Variants in RAVER1 observed in about 807,000 individuals in gnomAD.
RAVER1 encodes ribonucleoprotein, PTB binding 1, also known as ribonucleoprotein PTB-binding 1.
RAVER1 carries 36 observed loss-of-function variants against 68.4 expected under a neutral mutation model. The ratio of observed to expected loss-of-function variants is 0.53; its 90% CI spans 0.40 to 0.70. The LOEUF is 0.70. Among genes scored for constraint, RAVER1 ranks in the 30% least tolerant of loss-of-function variants. The pLI, the probability that RAVER1 is intolerant of heterozygous loss-of-function variation, is 0.00. For missense variants in RAVER1, 933 were observed against 1,019.8 expected (o/e 0.91, Z 1.16); for synonymous variants, 469 against 472.7 (o/e 0.99, Z 0.10).
At position 10,321,726 on chromosome 19, in the gene RAVER1, G is replaced by A. The variant is rs557301118; in HGVS notation, c.1174-108C>T. 1.2e-3 allele frequency: 999 copies of A among 827,696 alleles called. 2 individuals are homozygous for A. Among genetic ancestry groups the A allele is most frequent in the Non-Finnish European group, 1.6e-3 (916 of 590,272 alleles). The allele number at this position is 827,696 out of a possible 1,614,324, so 51.3% of individuals were successfully genotyped here. A position where few individuals can be genotyped will look rare whatever the true frequency, so the allele number is the denominator to read the frequency against. On this transcript the variant is annotated intron_variant, in intron 6 of 12. Coordinates refer to ENST00000617231, the MANE Select transcript of RAVER1 (RefSeq NM_133452.3). ...CACACCCCAACTCCAGGGCACGGCC[G>A]ATCCTGGGCAGACAGGCACAGGGTT...
chr19:10,324,693 T>C (rs1316220065), intron 3 of RAVER1, among the ~76,000 whole-genome samples: 1 of 152,044 alleles, frequency 6.6e-6, no homozygotes, highest in South Asian at 2.1e-4. Flanking sequence ...CACACCCATC[T>C]TAGGGATGAA....
intron 8 of RAVER1, 36 bp from the exon 9 acceptor site, chr19:10,320,987 G>A: frequency 6.7e-7 from 1 of 1,487,158 alleles, no homozygotes; most frequent in Non-Finnish European, 8.9e-7. Context: ...AGGGCCCCCG[G>A]GAGAGGGAAC....
chr19:10,331,904 C>T (rs751303076), intron 1 of RAVER1, among the ~76,000 whole-genome samples: 1 of 152,256 alleles, frequency 6.6e-6, no homozygotes, highest in Non-Finnish European at 1.5e-5. Flanking sequence ...GACTGGGGAG[C>T]CCACCTTCTA....
chr19:10,316,521 G>C lies in RAVER1; in HGVS notation c.*933C>G, dbSNP rs1442070380. The C allele has an allele frequency of 1.0e-6, 1 of 988,488 alleles. No homozygotes were observed. 61.2% of individuals were successfully genotyped at this position (988,488 alleles called of 1,614,324 possible). A position where few individuals can be genotyped will look rare whatever the true frequency, so the allele number is the denominator to read the frequency against. The stretch of plus-strand genomic sequence containing the variant: ...ATTCAAGAATTCATCTTCAACAAGC[G>C]AGTGACAGCAGAGGCTCCGGGAGAT... On this transcript the variant is annotated 3_prime_UTR_variant, in exon 13 of 13. Coordinates refer to ENST00000617231, the MANE Select transcript of RAVER1 (RefSeq NM_133452.3).
intron 3 of RAVER1, among the ~76,000 whole-genome samples, chr19:10,327,822 T>G (rs867951350): frequency 6.6e-6 from 1 of 152,164 alleles, no homozygotes; most frequent in South Asian, 2.1e-4. Flanking sequence ...TCTCTGGGGA[T>G]CAAGACCTTC....
chr19:10,323,710 A>T lies in RAVER1; in HGVS notation c.757-144T>A, dbSNP rs2040455391. Reference sequence around the variant, plus strand: ...CCACTGCCCTGTGCCTCATTCCTGCATCAGCTCATCTGATTTTCCCAATGA... The same window carrying T: ...CCACTGCCCTGTGCCTCATTCCTGCTTCAGCTCATCTGATTTTCCCAATGA... On this transcript the variant is annotated intron_variant, in intron 3 of 12. Coordinates refer to ENST00000617231, the MANE Select transcript of RAVER1 (RefSeq NM_133452.3). The surrounding 1 kb of genome is among the most constrained non-coding windows in gnomAD (Gnocchi z 6.2). The T allele has an allele frequency of 1.2e-6, 1 of 817,448 alleles. No individual in the cohort carries two copies. Among genetic ancestry groups the T allele is most frequent in the Non-Finnish European group, 1.9e-6 (1 of 537,002 alleles). 50.6% of individuals were successfully genotyped at this position (817,448 alleles called of 1,614,324 possible). A position where few individuals can be genotyped will look rare whatever the true frequency, so the allele number is the denominator to read the frequency against.
Position 10,320,801 on chromosome 19 carries a change from G to T in RAVER1, c.1624C>A (p.Pro542Thr), listed in dbSNP as rs761638841. The change falls in exon 9 of 13, where the codon CCC (proline) becomes ACC (threonine). Residue 542 changes from proline (P) to threonine (T), a missense_variant. Physicochemically the swap from Pro to Thr is conservative, Grantham distance 38 (BLOSUM62 -1). This residue lies in a region of RAVER1 where 699 missense variants were observed against 731.1 expected (regional missense o/e 0.96). Coordinates refer to ENST00000617231, the MANE Select transcript of RAVER1 (RefSeq NM_133452.3). ...CCAGGGGCTGGGGGGTTAGTTGGGG[G>T]GCCCTCAGCTGGGCGGCGGCTTCTC... ...AGRSRRPAEG[P>T]PTNPPAPGGG... The T allele has an allele frequency of 4.0e-6, 6 of 1,513,524 alleles. No individual in the cohort carries two copies. The Admixed American group carries it at 1.0e-4, about 26-fold the overall frequency. 93.8% of individuals were successfully genotyped at this position (1,513,524 alleles called of 1,614,324 possible).
At position 10,318,334 on chromosome 19, in the gene RAVER1, G is replaced by A. The variant is rs370081629; in HGVS notation, c.1884C>T (p.Ser628=). 5.2e-5 allele frequency: 84 copies of A among 1,602,494 alleles called. No homozygotes were observed. The highest frequency in any genetic ancestry group is 6.2e-5 in the Non-Finnish European group (73 of 1,175,872). ...ACAGGGGGCCCCCGCCACTCCCACC[G>A]CTGCTCCGTTCGCCGAAGCCACTGG... ...PPPSGFGERS[S]GGSGGGPLSH... is the part of the protein sequence containing the mutation. Residue 628 remains serine, a synonymous_variant, in exon 11 of 13, where the codon AGC becomes AGT. Coordinates refer to ENST00000617231, the MANE Select transcript of RAVER1 (RefSeq NM_133452.3).
Position 10,331,381 on chromosome 19 carries a change from A to C in RAVER1, c.220-855T>G, listed in dbSNP as rs1568314153. Reference sequence around the variant, plus strand: ...CAAAAAAAAAAAAAAAAAAAAAAAAAAATAACAACAACAAAAAAAAAAAAA... The same window carrying C: ...CAAAAAAAAAAAAAAAAAAAAAAAACAATAACAACAACAAAAAAAAAAAAA... On this transcript the variant is annotated intron_variant, in intron 1 of 12. Transcript: ENST00000617231. Among the ~76,000 whole-genome samples the C allele has an allele frequency of 5.0e-4, 61 of 123,098 alleles. 3 individuals are homozygous for C. Among genetic ancestry groups the C allele is most frequent in the African/African-American group, 1.8e-3 (58 of 32,308 alleles). The allele number at this position is 123,098 out of a possible 152,430, so 80.8% of individuals were successfully genotyped here. A position where few individuals can be genotyped will look rare whatever the true frequency, so the allele number is the denominator to read the frequency against.
At chr19:10,331,856 G>T (rs1408070314) in intron 1 of RAVER1, among the ~76,000 whole-genome samples, 1 of 152,150 alleles carries the variant, frequency 6.6e-6, no homozygotes, top group East Asian at 1.9e-4. Flanking sequence ...TCTGCTGGAG[G>T]CCATGCAGTT....
At chr19:10,319,029 A>G (rs1032330464) in intron 10 of RAVER1, 137 bp downstream of exon 10, 1 of 746,770 alleles carries the variant, frequency 1.3e-6, no homozygotes, top group Non-Finnish European at 2.2e-6. Context: ...TGGGCAACAC[A>G]GTGAGATCCT....
Position 10,323,689 on chromosome 19 carries a change from TG to T in RAVER1, c.757-124del. 1.1e-6 allele frequency: 1 copy of T among 925,742 alleles called. No individual in the cohort carries two copies. Among genetic ancestry groups the T allele is most frequent in the Non-Finnish European group, 1.6e-6 (1 of 631,294 alleles). 57.3% of individuals were successfully genotyped at this position (925,742 alleles called of 1,614,324 possible). A position where few individuals can be genotyped will look rare whatever the true frequency, so the allele number is the denominator to read the frequency against. On this transcript the variant is annotated intron_variant, in intron 3 of 12. Transcript: ENST00000617231. This position sits in a 1 kb window ranked among gnomAD's most constrained non-coding sequence, Gnocchi z 6.2. ...GGTGAACTCCACGCCAGGCCTCCAC[TG>T]CCCTGTGCCTCATTCCTGCATCAGC... is the stretch of plus-strand genomic sequence containing the variant.
In RAVER1 at chr19:10,328,033, G is replaced by A. The variant is rs764526771; in HGVS notation, c.756+609C>T. Among the ~76,000 whole-genome samples, 3 of 152,204 alleles carry A rather than the reference G, an allele frequency of 2.0e-5. No individual in the cohort carries two copies. Among genetic ancestry groups the A allele is most frequent in the Non-Finnish European group, 2.9e-5 (2 of 68,036 alleles). ...GAGAGCCAGTGACTGGCCCGAGCTC[G>A]AGGGCGGGGCTGGGATCTGGCAAAG... is the stretch of plus-strand genomic sequence containing the variant. On this transcript the variant is annotated intron_variant, in intron 3 of 12. Transcript: ENST00000617231. The surrounding 1 kb of genome is among the most constrained non-coding windows in gnomAD (Gnocchi z 4.4).
chr19:10,326,567 C>G (rs2040475836), intron 3 of RAVER1, among the ~76,000 whole-genome samples: 1 of 152,172 alleles, frequency 6.6e-6, no homozygotes, highest in Non-Finnish European at 1.5e-5. Context: ...GTCTCAGCCT[C>G]CTGAGTAGCT....
Position 10,328,315 on chromosome 19 carries a change from G to C in RAVER1, c.756+327C>G, listed in dbSNP as rs888198047. Among the ~76,000 whole-genome samples, 1 of 152,172 alleles carries C rather than the reference G, an allele frequency of 6.6e-6. No homozygotes were observed. Among genetic ancestry groups the C allele is most frequent in the African/African-American group, 2.4e-5 (1 of 41,446 alleles). ...GTGGTGGCTCACGCATGTAATCCCAGCACTTTGGGAGGATCACCTGAGGCC... is the reference window on the plus strand; with the variant it reads ...GTGGTGGCTCACGCATGTAATCCCACCACTTTGGGAGGATCACCTGAGGCC... On this transcript the variant is annotated intron_variant, in intron 3 of 12. Transcript: ENST00000617231. The surrounding 1 kb of genome is among the most constrained non-coding windows in gnomAD (Gnocchi z 4.4).
Position 10,322,516 on chromosome 19 carries a change from C to A in RAVER1, c.1173+129G>T. On this transcript the variant is annotated intron_variant, in intron 6 of 12. Transcript: ENST00000617231. The surrounding 1 kb of genome is among the most constrained non-coding windows in gnomAD (Gnocchi z 4.3). ...GGGAAAGGCAGGGGTTTGGGGGAGTCGCCCTCACCCTGGTTCTGCGCCCCC... is the reference window on the plus strand; with the variant it reads ...GGGAAAGGCAGGGGTTTGGGGGAGTAGCCCTCACCCTGGTTCTGCGCCCCC... The A allele has an allele frequency of 1.6e-6, 1 of 627,974 alleles. No individual in the cohort carries two copies. Among genetic ancestry groups the A allele is most frequent in the Non-Finnish European group, 2.7e-6 (1 of 370,182 alleles). 38.9% of individuals were successfully genotyped at this position (627,974 alleles called of 1,614,324 possible). A position where few individuals can be genotyped will look rare whatever the true frequency, so the allele number is the denominator to read the frequency against.
In RAVER1 at chr19:10,323,132, A is replaced by G. The variant is rs1192430654; in HGVS notation, c.1078+13T>C. The G allele has an allele frequency of 3.2e-6, 5 of 1,569,898 alleles. No individual in the cohort carries two copies. Among genetic ancestry groups the G allele is most frequent in the Non-Finnish European group, 4.3e-6 (5 of 1,158,488 alleles). ...GTTCTGCACAGTGGGGCCCCTGTCC[A>G]GCCCCACCTTACCCTGCTTCCCCCC... is the stretch of plus-strand genomic sequence containing the variant. On this transcript the variant is annotated intron_variant, in intron 5 of 12. Transcript: ENST00000617231. This position sits in a 1 kb window ranked among gnomAD's most constrained non-coding sequence, Gnocchi z 6.2.
At chr19:10,332,953 G>A (rs752903085) in intron 1 of RAVER1, among the ~76,000 whole-genome samples, 6 of 152,144 alleles carry the variant, frequency 3.9e-5, no homozygotes, top group African/African-American at 7.2e-5. Flanking sequence ...CCAAGCAGGG[G>A]GCAACTGGTG....
rs1171671240 is a variant in RAVER1 at position 10,321,057 on chromosome 19, C to T, written c.1464G>A (p.Thr488=). The stretch of plus-strand genomic sequence containing the variant: ...CAGGGCAGGGCCTTACCCCAGGGGG[C>T]GTCGGCAGAGGCCCACTGTCTTTCT... ...GLQKDSGPLP[T]PPGVSLLGEP... Residue 488 remains threonine, a synonymous_variant, in exon 8 of 13, where the codon ACG becomes ACA. Transcript: ENST00000617231. The T allele has an allele frequency of 5.8e-6, 8 of 1,381,918 alleles. No individual in the cohort carries two copies. The highest frequency in any genetic ancestry group is 7.5e-6 in the Non-Finnish European group (8 of 1,068,938). 85.6% of individuals were successfully genotyped at this position (1,381,918 alleles called of 1,614,324 possible).
Sources: allele counts gnomAD v4.1 joint callset (sites outside exome capture counted in the v4.1 genomes callset), GRCh38; gene constraint gnomAD v4.1.1; regional missense constraint gnomAD v4.1.1; non-coding constraint Gnocchi (gnomAD v3.1); transcripts MANE v1.5; gene names NCBI Gene and HGNC (gene_info 2026-07-23, HGNC 2026-07-21).